The following XIRP2 variants were observed in gnomAD, a reference collection of about 807,000 sequenced individuals.
XIRP2 encodes xin actin-binding repeat-containing protein 2.
XIRP2 carries 236 observed loss-of-function variants against 277.0 expected under a neutral mutation model. The ratio of observed to expected loss-of-function variants is 0.85; its 90% CI spans 0.77 to 0.95. XIRP2 has a LOEUF of 0.95. XIRP2 is among the 40% of genes least tolerant of loss of function. The probability of loss-of-function intolerance (pLI) is 0.00; values close to 1 mark genes in which losing one functional copy is unlikely to be tolerated. For synonymous variants in XIRP2, 1,490 were observed against 1,416.5 expected (o/e 1.05, Z -1.17); for missense variants, 4,640 against 4,157.5 (o/e 1.12, Z -3.19).
At chr2:166,996,649 A>T (rs561743696) in intron 2 of XIRP2, among the ~76,000 whole-genome samples, 1 of 152,266 alleles carries the variant, frequency 6.6e-6, no homozygotes, top group East Asian at 1.9e-4. Context: ...TAAATAATAA[A>T]TAAAATGTCT....
At chr2:167,219,090 T>A (rs1223728898) in intron 5 of XIRP2, among the ~76,000 whole-genome samples, 1 of 152,066 alleles carries the variant, frequency 6.6e-6, no homozygotes, top group Non-Finnish European at 1.5e-5. Flanking sequence ...GTTGCCTAAA[T>A]TTTTTTAAAT....
chr2:167,230,863 G>A lies in XIRP2; in HGVS notation c.859-8992G>A, dbSNP rs549721101. Among the ~76,000 whole-genome samples, 8 of 152,100 alleles carry A rather than the reference G, an allele frequency of 5.3e-5. No individual in the cohort carries two copies. The East Asian group carries it at 9.7e-4, about 18-fold the overall frequency. On this transcript the variant is annotated intron_variant, in intron 5 of 10. Coordinates refer to ENST00000409195, the MANE Select transcript of XIRP2 (RefSeq NM_152381.6). Reference sequence around the variant, plus strand: ...GCCTCTGTCCCAGCAGTTTACCAGCGAAGATACTGAGACTGAAATTAGTTA... The same window carrying A: ...GCCTCTGTCCCAGCAGTTTACCAGCAAAGATACTGAGACTGAAATTAGTTA...
intron 2 of XIRP2, among the ~76,000 whole-genome samples, chr2:167,119,534 G>GC (rs1299372860): frequency 1.3e-5 from 2 of 152,150 alleles, no homozygotes; most frequent in Non-Finnish European, 2.9e-5. Context: ...ACTTGAACTA[G>GC]CCTATAAGTG....
At chr2:167,143,274 C>T (rs1691773861) in intron 3 of XIRP2, among the ~76,000 whole-genome samples, 1 of 152,070 alleles carries the variant, frequency 6.6e-6, no homozygotes, top group Non-Finnish European at 1.5e-5. Context: ...GATGTCAACA[C>T]TAGGAGATGA....
intron 2 of XIRP2, among the ~76,000 whole-genome samples, chr2:166,982,953 C>T (rs957085760): frequency 4.8e-4 from 73 of 152,176 alleles, no homozygotes; most frequent in Non-Finnish European, 9.4e-4. Flanking sequence ...ATGCCCAGAA[C>T]CATCCCCGTC....
chr2:166,930,488 A>G (rs953980678), intron 2 of XIRP2, among the ~76,000 whole-genome samples: 1 of 152,126 alleles, frequency 6.6e-6, no homozygotes, highest in African/African-American at 2.4e-5. Flanking sequence ...ATTTCAATAG[A>G]CTCATGGAAG....
intron 2 of XIRP2, among the ~76,000 whole-genome samples, chr2:167,059,490 T>TAAAATAAAATAAAAC (rs536344962): frequency 1.3e-5 from 2 of 151,588 alleles, no homozygotes; most frequent in African/African-American, 4.9e-5. Context: ...TAAAATAAAA[T>TAAAATAAAATAAAAC]AAAACCTGTT....
chr2:167,066,875 C>G (rs960534555), intron 2 of XIRP2, among the ~76,000 whole-genome samples: 1 of 152,038 alleles, frequency 6.6e-6, no homozygotes, highest in Non-Finnish European at 1.5e-5. Context: ...GTAAAACAAG[C>G]TAGTCATATG....
At chr2:167,240,854 C>A in intron 7 of XIRP2, 118 bp downstream of exon 7, 1 of 870,968 alleles carries the variant, frequency 1.1e-6, no homozygotes, top group South Asian at 1.5e-5. Context: ...AACTATGACT[C>A]ATGGTTCCAG....
At chr2:167,076,099 G>T (rs1156266439) in intron 2 of XIRP2, among the ~76,000 whole-genome samples, 4 of 151,968 alleles carry the variant, frequency 2.6e-5, no homozygotes, top group Non-Finnish European at 5.9e-5. Flanking sequence ...GCAGAGGATG[G>T]TATCATGAGA....
intron 2 of XIRP2, among the ~76,000 whole-genome samples, chr2:167,121,688 C>T (rs561302758): frequency 8.5e-5 from 13 of 152,130 alleles, no homozygotes; most frequent in African/African-American, 2.9e-4. Flanking sequence ...AGAGTGACTG[C>T]GGCAAGTTGC....
chr2:167,214,093 A>AGAAGGAATGAAG (rs1694147961), intron 4 of XIRP2, among the ~76,000 whole-genome samples: 1 of 64,318 alleles, frequency 1.6e-5, no homozygotes, highest in Admixed American at 1.8e-4. Context: ...GAAGAAAGAA[A>AGAAGGAATGAAG]GAAGGAAGGA....
chr2:167,038,592 C>T (rs1203229666), intron 2 of XIRP2, among the ~76,000 whole-genome samples: 1 of 151,070 alleles, frequency 6.6e-6, no homozygotes, highest in African/African-American at 2.4e-5. Context: ...GAAAATTCCC[C>T]ATGTTGCTTT....
chr2:167,171,196 G>A (rs557449651), intron 3 of XIRP2, among the ~76,000 whole-genome samples: 14 of 152,052 alleles, frequency 9.2e-5, no homozygotes, highest in South Asian at 2.1e-4. Context: ...CACTGCACCC[G>A]CCCTCTTTAT....
intron 2 of XIRP2, among the ~76,000 whole-genome samples, chr2:167,121,311 G>A (rs1056671894): frequency 6.6e-6 from 1 of 151,898 alleles, no homozygotes; most frequent in Non-Finnish European, 1.5e-5. Flanking sequence ...TAGTATGATC[G>A]TTTGAATACA....
chr2:167,058,025 T>TTTTAC (rs537697647), intron 2 of XIRP2, among the ~76,000 whole-genome samples: 1,395 of 42,048 alleles, frequency 0.033, 23 homozygotes, highest in Middle Eastern at 0.07. Flanking sequence ...TTTATAATTA[T>TTTTAC]TTTATTTTAT....
intron 2 of XIRP2, among the ~76,000 whole-genome samples, chr2:166,973,104 C>G (rs1686621291): frequency 6.6e-6 from 1 of 152,098 alleles, no homozygotes; most frequent in African/African-American, 2.4e-5. Flanking sequence ...ACTTGCATTT[C>G]ATCAGCCATT....
At chr2:167,188,190 A>G (rs1230375315) in intron 3 of XIRP2, among the ~76,000 whole-genome samples, 2 of 152,294 alleles carry the variant, frequency 1.3e-5, no homozygotes, top group East Asian at 3.9e-4. Context: ...TACTTTAAAG[A>G]TATCATGCCC....
chr2:166,982,454 C>T (rs1428369360), intron 2 of XIRP2, among the ~76,000 whole-genome samples: 2 of 151,156 alleles, frequency 1.3e-5, no homozygotes, highest in Non-Finnish European at 3.0e-5. Context: ...TTTTTTTCAA[C>T]TTCTAGAAGA....
Sources: gnomAD v4.1 joint callset for allele counts (sites outside exome capture counted in the v4.1 genomes callset) on GRCh38, gnomAD v4.1.1 for gene constraint, MANE v1.5 for transcripts, NCBI Gene and HGNC (gene_info 2026-07-23, HGNC 2026-07-21) for gene names.